Variants in CPVL observed in about 807,000 individuals in gnomAD.
CPVL encodes probable serine carboxypeptidase CPVL.
CPVL carries 51 observed loss-of-function variants against 63.7 expected under a neutral mutation model. The observed-to-expected ratio is 0.80, with a 90% CI of 0.64 to 1.01. The LOEUF (loss-of-function observed/expected upper bound fraction) is 1.01, where lower values mean the gene tolerates loss of function less well. Ranked by LOEUF, CPVL falls within the 50% of genes least tolerant of loss-of-function variation. The pLI, the probability that CPVL is intolerant of heterozygous loss-of-function variation, is 0.00. For missense variants in CPVL, 530 were observed against 573.1 expected (o/e 0.92, Z 0.77); for synonymous variants, 195 against 206.0 (o/e 0.95, Z 0.46).
intron 1 of CPVL, among the ~76,000 whole-genome samples, chr7:29,189,807 A>G (rs1782654665): frequency 6.6e-6 from 1 of 152,010 alleles, no homozygotes; most frequent in Admixed American, 6.5e-5. Context: ...GCCAAATAGG[A>G]TACTCCAGGC....
At chr7:29,049,908 A>C (rs1431701146) in intron 11 of CPVL, among the ~76,000 whole-genome samples, 1 of 152,324 alleles carries the variant, frequency 6.6e-6, no homozygotes, top group East Asian at 1.9e-4. Flanking sequence ...CAGAATTAAA[A>C]ACAAAAATCA....
At chr7:29,095,722 A>T (rs1041884388) in intron 4 of CPVL, among the ~76,000 whole-genome samples, 1 of 152,170 alleles carries the variant, frequency 6.6e-6, no homozygotes, top group Non-Finnish European at 1.5e-5. Flanking sequence ...TCAGATAATG[A>T]GTGTGACTGA....
chr7:29,026,258 T>A (rs992881254), intron 12 of CPVL, among the ~76,000 whole-genome samples: 6 of 152,068 alleles, frequency 3.9e-5, no homozygotes, highest in Admixed American at 3.3e-4. Context: ...AATTTAAACA[T>A]TTCTTGAAAC....
chr7:29,033,017 A>C (rs1788181423), intron 11 of CPVL, among the ~76,000 whole-genome samples: 1 of 152,220 alleles, frequency 6.6e-6, no homozygotes, highest in Non-Finnish European at 1.5e-5. Flanking sequence ...AACAGCAAAG[A>C]GCTGAATTGC....
intron 3 of CPVL, among the ~76,000 whole-genome samples, chr7:29,184,820 A>G (rs140698473): frequency 1.3e-5 from 2 of 152,328 alleles, no homozygotes; most frequent in Non-Finnish European, 2.9e-5. Context: ...ATTAAGCATC[A>G]CACCTGAGTT....
chr7:29,172,550 G>A (rs997529554), intron 5 of CPVL, among the ~76,000 whole-genome samples: 1 of 152,114 alleles, frequency 6.6e-6, no homozygotes, highest in African/African-American at 2.4e-5. Flanking sequence ...GTTGGGAAAT[G>A]AATTTTAAAT....
intron 2 of CPVL, among the ~76,000 whole-genome samples, chr7:29,114,376 A>G (rs1297081987): frequency 2.0e-5 from 3 of 152,182 alleles, no homozygotes; most frequent in Non-Finnish European, 4.4e-5. Flanking sequence ...GGGATTAAAC[A>G]CAGCAGTCAG....
chr7:29,127,413 A>G (rs1182638759), intron 1 of CPVL: 2 of 152,184 alleles, frequency 1.3e-5, no homozygotes, highest in Non-Finnish European at 2.9e-5. Flanking sequence ...CCAGGAAGGT[A>G]AGGGTTACAA....
chr7:29,120,936 T>C lies in CPVL; in HGVS notation c.126A>G (p.Pro42=), dbSNP rs899883570. ...SMPPKGDSGQ[P]LFLTPYIEAG... ...CTTCAATGTAAGGGGTGAGAAATAA[T>C]GGCTGTCCTGAGTCTCCCTTAGGTG... Residue 42 remains proline (P), a synonymous_variant, in exon 2 of 13, where the codon CCA becomes CCG. Coordinates refer to ENST00000265394, the MANE Select transcript of CPVL (RefSeq NM_031311.5). 16 of 1,613,894 alleles carry C rather than the reference T, an allele frequency of 9.9e-6. No individual in the cohort carries two copies. The highest frequency in any genetic ancestry group is 1.3e-5 in the Non-Finnish European group (15 of 1,179,966).
chr7:29,145,917 A>G (rs1394445759), intron 1 of CPVL: 1 of 152,170 alleles, frequency 6.6e-6, no homozygotes, highest in South Asian at 2.1e-4. Context: ...CAAGAATAAA[A>G]GTCTTCCTAT....
chr7:29,144,947 GC>G (rs1166214093), intron 1 of CPVL, among the ~76,000 whole-genome samples: 1 of 151,790 alleles, frequency 6.6e-6, no homozygotes, highest in African/African-American at 2.4e-5. Context: ...GGGATCAATT[GC>G]CCCTCCCAAA....
intron 11 of CPVL, among the ~76,000 whole-genome samples, chr7:29,059,757 C>T (rs904494574): frequency 2.0e-4 from 30 of 152,274 alleles, no homozygotes; most frequent in African/African-American, 7.2e-4. Flanking sequence ...GTGTTTTAAA[C>T]TCTCAGACTT....
At chr7:29,115,255 T>A (rs1788659059) in intron 2 of CPVL, among the ~76,000 whole-genome samples, 1 of 152,212 alleles carries the variant, frequency 6.6e-6, no homozygotes, top group Admixed American at 6.5e-5. Context: ...CCACTCCAAG[T>A]GAAGTCTAGA....
intron 12 of CPVL, among the ~76,000 whole-genome samples, chr7:28,998,687 A>G (rs1480267093): frequency 6.6e-6 from 1 of 150,406 alleles, no homozygotes; most frequent in Non-Finnish European, 1.5e-5. Context: ...AAATGCCTAT[A>G]TCAGGAGGAT....
At chr7:29,146,700 T>C, upstream of CPVL, 1 of 1,550,472 alleles carries the variant, frequency 6.4e-7, no homozygotes, top group East Asian at 2.4e-5. Context: ...AGCCCCAGGG[T>C]GGAATCTTAA....
intron 3 of CPVL, among the ~76,000 whole-genome samples, chr7:29,107,721 C>T (rs983985104): frequency 6.6e-6 from 1 of 152,212 alleles, no homozygotes; most frequent in African/African-American, 2.4e-5. Flanking sequence ...GGAGATCTGT[C>T]ATATTTCCAA....
chr7:29,137,874 G>C (rs1006407418), intron 1 of CPVL, among the ~76,000 whole-genome samples: 4 of 152,148 alleles, frequency 2.6e-5, no homozygotes, highest in African/African-American at 9.7e-5. Context: ...AAATAGGATG[G>C]AATCTAGAGA....
rs144002950 is a variant in CPVL, at chr7:29,086,022, G to A, written c.609+462C>T. On this transcript the variant is annotated intron_variant, in intron 7 of 12. Transcript: ENST00000265394. ...AAAATGTTATGAAAGGGCTGGGCAT[G>A]GTGGCTCATGCCTGTAATCCCAGCA... is the stretch of plus-strand genomic sequence containing the variant. 2.3e-4 allele frequency among the ~76,000 whole-genome samples: 35 copies of A among 152,286 alleles called. No homozygotes were observed. The East Asian group carries it at 6.8e-3, about 29-fold the overall frequency.
intron 12 of CPVL, among the ~76,000 whole-genome samples, chr7:29,019,957 G>T (rs1241559298): frequency 1.3e-5 from 2 of 152,048 alleles, no homozygotes. Flanking sequence ...TTGTTTTTTT[G>T]GCAGCCAGAG....
Sources: allele counts gnomAD v4.1 joint callset (sites outside exome capture counted in the v4.1 genomes callset), GRCh38; gene constraint gnomAD v4.1.1; transcripts MANE v1.5; gene names NCBI Gene and HGNC (gene_info 2026-07-23, HGNC 2026-07-21).